Variants in GPAT3 observed in about 807,000 individuals in gnomAD.
The protein encoded by GPAT3 is 1-AGP acyltransferase 9.
Under a neutral mutation model 58.8 loss-of-function variants are expected in GPAT3, and 53 were observed. The ratio of observed to expected loss-of-function variants is 0.90; its 90% confidence interval spans 0.72 to 1.13. The LOEUF (loss-of-function observed/expected upper bound fraction) is 1.13, where lower values mean the gene tolerates loss of function less well. Ranked by LOEUF, GPAT3 falls within the 50% of genes most tolerant of loss-of-function variation. The pLI, the probability that GPAT3 is intolerant of heterozygous loss-of-function variation, is 0.00. For missense variants in GPAT3, 511 were observed against 527.6 expected (o/e 0.97, Z 0.31); for synonymous variants, 197 against 187.4 (o/e 1.05, Z -0.42).
chr4:83,565,692 C>T (rs779391448), intron 2 of GPAT3, among the ~76,000 whole-genome samples: 1 of 152,082 alleles, frequency 6.6e-6, no homozygotes, highest in Non-Finnish European at 1.5e-5. Flanking sequence ...AGCCCCACAC[C>T]ACCCGGTGGG....
chr4:83,596,407 G>A (rs992991709), intron 7 of GPAT3, among the ~76,000 whole-genome samples: 3 of 152,176 alleles, frequency 2.0e-5, no homozygotes, highest in African/African-American at 7.2e-5. Flanking sequence ...GATCGCTTGA[G>A]CTCAGGAGTT....
At chr4:83,562,203 T>C (rs1180079437) in intron 2 of GPAT3, among the ~76,000 whole-genome samples, 1 of 31,620 alleles carries the variant, frequency 3.2e-5, no homozygotes, top group Non-Finnish European at 5.4e-5. Context: ...ATATATAATA[T>C]ATATATATTA....
At chr4:83,569,867 C>T (rs1288739632) in intron 2 of GPAT3, among the ~76,000 whole-genome samples, 2 of 151,998 alleles carry the variant, frequency 1.3e-5, no homozygotes, top group African/African-American at 4.8e-5. Context: ...TGTGTCACAA[C>T]TTTCTGGGAA....
At position 83,588,399 on chromosome 4, in the gene GPAT3, A is replaced by AG; in HGVS notation, c.644+101dup. 3.6e-6 allele frequency: 4 copies of AG among 1,108,448 alleles called. No individual in the cohort carries two copies. In the East Asian group the frequency reaches 9.5e-5, roughly 26 times the overall value. The allele number at this position is 1,108,448 out of a possible 1,614,324, so 68.7% of individuals were successfully genotyped here. ...TGGTTGGGAAGAAGTGGGTGGAGTC[A>AG]GAGTGCTTCCAATGTGTTCATCTCT... On this transcript the variant is annotated intron_variant, in intron 5 of 11. Transcript: ENST00000264409.
intron 2 of GPAT3, among the ~76,000 whole-genome samples, chr4:83,567,579 T>G (rs993424001): frequency 2.0e-5 from 3 of 152,224 alleles, no homozygotes; most frequent in Non-Finnish European, 4.4e-5. Flanking sequence ...GTGTATTACT[T>G]ACCTATCTTC....
chr4:83,585,945 A>G (rs1726360270), intron 3 of GPAT3, among the ~76,000 whole-genome samples: 1 of 151,996 alleles, frequency 6.6e-6, no homozygotes, highest in Non-Finnish European at 1.5e-5. Context: ...AAGACAGAAT[A>G]ACATAATGCT....
chr4:83,541,425 G>T (rs535863327), intron 1 of GPAT3, among the ~76,000 whole-genome samples: 1 of 124,124 alleles, frequency 8.1e-6, no homozygotes, highest in African/African-American at 2.9e-5. Context: ...TAGAGACAAG[G>T]TTTCACCCTG....
chr4:83,562,204 A>AT (rs5859880), intron 2 of GPAT3, among the ~76,000 whole-genome samples: 4,126 of 37,926 alleles, frequency 0.11, 336 homozygotes, highest in African/African-American at 0.37. Flanking sequence ...TATATAATAT[A>AT]TATATATTAT....
At position 83,556,122 on chromosome 4, in the gene GPAT3, A is replaced by G. The variant is rs181216434; in HGVS notation, c.208+11520A>G. On this transcript the variant is annotated intron_variant, in intron 2 of 11. Coordinates refer to ENST00000264409, the MANE Select transcript of GPAT3 (RefSeq NM_032717.5). ...GCCAAACCACAAGGCTGACATTTTA[A>G]GTGAATTAATGGTTCATTTGACAGT... is the stretch of plus-strand genomic sequence containing the variant. Among the ~76,000 whole-genome samples the G allele has an allele frequency of 2.0e-5, 3 of 152,364 alleles. No homozygotes were observed. In the East Asian group the frequency reaches 5.8e-4, roughly 29 times the overall value.
intron 6 of GPAT3, among the ~76,000 whole-genome samples, chr4:83,591,041 T>G (rs1231241954): frequency 6.6e-6 from 1 of 152,200 alleles, no homozygotes; most frequent in Non-Finnish European, 1.5e-5. Flanking sequence ...TGGCATAGAA[T>G]GCCTGGACAA....
chr4:83,587,263 T>G lies in GPAT3; in HGVS notation c.488T>G (p.Leu163Trp). The G allele has an allele frequency of 6.2e-7, 1 of 1,613,764 alleles. No individual in the cohort carries two copies. Among genetic ancestry groups the G allele is most frequent in the Non-Finnish European group, 8.5e-7 (1 of 1,179,876 alleles). ...TCTCTTTTCTTTTTCAGGGTTACCTTGGCTTTCATTGGGATCAGTTTGCTG... is the reference window on the plus strand; with the variant it reads ...TCTCTTTTCTTTTTCAGGGTTACCTGGGCTTTCATTGGGATCAGTTTGCTG... Reference protein sequence around the residue: ...YCVLLPLRVTLAFIGISLLVI... With the variant: ...YCVLLPLRVTWAFIGISLLVI... Residue 163 changes from leucine to tryptophan, a missense_variant, in exon 4 of 12, where the codon TTG becomes TGG. By Grantham distance (61) the Leu-to-Trp change is moderately conservative (BLOSUM62 -2). Transcript: ENST00000264409.
intron 1 of GPAT3, among the ~76,000 whole-genome samples, chr4:83,541,795 G>A (rs1724313480): frequency 1.3e-5 from 2 of 152,170 alleles, no homozygotes; most frequent in Admixed American, 6.5e-5. Flanking sequence ...ATGTCAGCAG[G>A]TTTAGCCTCA....
At chr4:83,598,565 C>T in intron 10 of GPAT3, 79 bp from the exon 11 acceptor site, 1 of 1,169,492 alleles carries the variant, frequency 8.6e-7, no homozygotes, top group South Asian at 1.3e-5. Flanking sequence ...TATTTTAAAA[C>T]AAATACAAAT....
intron 7 of GPAT3, 141 bp downstream of exon 7, chr4:83,595,101 T>G: frequency 4.5e-6 from 3 of 661,930 alleles, no homozygotes; most frequent in Non-Finnish European, 7.7e-6. Flanking sequence ...TTCTGGCAAA[T>G]CACCTGTCTT....
chr4:83,603,812 A>G (rs1727156835), intron 11 of GPAT3, among the ~76,000 whole-genome samples: 1 of 150,808 alleles, frequency 6.6e-6, no homozygotes, highest in Non-Finnish European at 1.5e-5. Context: ...AAAAAAAAAA[A>G]GAAAATATAA....
intron 6 of GPAT3, among the ~76,000 whole-genome samples, chr4:83,591,555 G>A (rs1421827262): frequency 6.6e-6 from 1 of 152,124 alleles, no homozygotes; most frequent in Non-Finnish European, 1.5e-5. Context: ...AACCATATCT[G>A]CATCATACAA....
chr4:83,572,904 A>G (rs1416149956), intron 2 of GPAT3, among the ~76,000 whole-genome samples: 1 of 152,204 alleles, frequency 6.6e-6, no homozygotes, highest in African/African-American at 2.4e-5. Context: ...TGGTATATCT[A>G]GAGGTTAGCC....
chr4:83,597,318 C>T, intron 8 of GPAT3, 112 bp from the exon 9 acceptor site: 1 of 583,254 alleles, frequency 1.7e-6, no homozygotes, highest in Non-Finnish European at 2.7e-6. Context: ...AGTACGATGC[C>T]TGTAATTTTG....
At chr4:83,581,937 T>C in intron 3 of GPAT3, 105 bp downstream of exon 3, 1 of 1,431,392 alleles carries the variant, frequency 7.0e-7, no homozygotes, top group Non-Finnish European at 9.4e-7. Context: ...ATTCCACCCA[T>C]TCCCACGTAG....
Sources: allele counts gnomAD v4.1 joint callset (sites outside exome capture counted in the v4.1 genomes callset), GRCh38; gene constraint gnomAD v4.1.1; transcripts MANE v1.5; gene names NCBI Gene and HGNC (gene_info 2026-07-23, HGNC 2026-07-21).